ADGRV1: variants seen among roughly 807,000 people sequenced by gnomAD.
ADGRV1 encodes the protein G-protein coupled receptor 98.
Under a neutral mutation model 596.2 loss-of-function variants are expected in ADGRV1, and 359 were observed. The ratio of observed to expected loss-of-function variants is 0.60; its 90% CI spans 0.55 to 0.66. The LOEUF is 0.66. Among genes scored for constraint, ADGRV1 ranks in the 30% least tolerant of loss-of-function variants. The pLI is 0.00. For missense variants in ADGRV1, 7,274 were observed against 7,575.6 expected, an observed-to-expected ratio of 0.96 and a Z score of 1.48; for synonymous variants, 2,681 against 2,679.2, an observed-to-expected ratio of 1.00 and a Z score of -0.02.
chr5:91,102,083 C>T lies in ADGRV1; in HGVS notation c.18311-136C>T, dbSNP rs1431950506. ...CAGCAATGTGCCTTCTCCCCTCTGG[C>T]ATAAGAATGGGATTTCCAAGGTTGT... On this transcript the variant is annotated intron_variant, in intron 86 of 89. Transcript: ENST00000405460. The T allele has an allele frequency of 2.5e-5, 19 of 764,102 alleles. No individual in the cohort carries two copies. In the East Asian group the frequency reaches 5.1e-4, roughly 20 times the overall value. 47.3% of individuals were successfully genotyped at this position (764,102 alleles called of 1,614,324 possible). A position where few individuals can be genotyped will look rare whatever the true frequency, so the allele number is the denominator to read the frequency against.
At chr5:91,048,344 A>G (rs1786012644) in intron 85 of ADGRV1, among the ~76,000 whole-genome samples, 1 of 152,230 alleles carries the variant, frequency 6.6e-6, no homozygotes, top group Non-Finnish European at 1.5e-5. Flanking sequence ...CTCTTGTGCA[A>G]TGTACCAGAT....
intron 83 of ADGRV1, among the ~76,000 whole-genome samples, chr5:90,962,243 C>G (rs1778097592): frequency 6.6e-6 from 1 of 152,202 alleles, no homozygotes; most frequent in African/African-American, 2.4e-5. Flanking sequence ...TAGCGCCATG[C>G]TGGTATACAG....
At chr5:90,696,386 T>C (rs1461628308) in intron 33 of ADGRV1, among the ~76,000 whole-genome samples, 1 of 152,128 alleles carries the variant, frequency 6.6e-6, no homozygotes, top group African/African-American at 2.4e-5. Flanking sequence ...TGTCATCTCA[T>C]CGAGTTACTC....
chr5:90,578,995 T>A (rs1162594896), intron 1 of ADGRV1, among the ~76,000 whole-genome samples: 2 of 152,184 alleles, frequency 1.3e-5, no homozygotes, highest in African/African-American at 4.8e-5. Flanking sequence ...TCTTCTCTCT[T>A]TTCTTCTTTA....
rs534068361 is a variant in ADGRV1, at chr5:90,706,420, T to C, written c.8730+26T>C. On this transcript the variant is annotated intron_variant, in intron 38 of 89. Transcript: ENST00000405460. ...GTAAAACTCTTTTTTTTTTTTAATC[T>C]TAGGGGGAGATAGTTTAATAAGTTT... 7.6e-5 allele frequency: 115 copies of C among 1,515,002 alleles called. 1 individual carries two copies. Among genetic ancestry groups the C allele is most frequent in the Non-Finnish European group, 8.5e-5 (96 of 1,131,198 alleles). The allele number at this position is 1,515,002 out of a possible 1,614,324, so 93.8% of individuals were successfully genotyped here. A position where few individuals can be genotyped will look rare whatever the true frequency, so the allele number is the denominator to read the frequency against.
intron 85 of ADGRV1, among the ~76,000 whole-genome samples, chr5:90,992,094 C>G (rs1318737982): frequency 6.6e-6 from 1 of 152,186 alleles, no homozygotes; most frequent in Non-Finnish European, 1.5e-5. Flanking sequence ...TCTATTCAGA[C>G]CTTAAAATTA....
chr5:90,689,322 C>T (rs1746145161), intron 29 of ADGRV1, among the ~76,000 whole-genome samples: 1 of 145,612 alleles, frequency 6.9e-6, no homozygotes, highest in African/African-American at 2.5e-5. Context: ...CCCCTCCTTT[C>T]CCCACCCACC....
At chr5:90,603,054 A>C (rs1010419477) in intron 1 of ADGRV1, among the ~76,000 whole-genome samples, 3 of 152,222 alleles carry the variant, frequency 2.0e-5, no homozygotes. Flanking sequence ...TCTAACCATG[A>C]AAAGTACTGT....
Position 90,628,710 on chromosome 5 carries a change from A to G in ADGRV1, c.1387A>G (p.Met463Val). ...SGVLHFAQGQ[M>V]LATIPLTVVD... ...AGTTCTCCATTTTGCACAAGGGCAG[A>G]TGTTGGCAACAATTCCTCTTACTGT... is the stretch of plus-strand genomic sequence containing the variant. Residue 463 changes from methionine (M) to valine (V), a missense_variant, in exon 8 of 90, where the codon ATG becomes GTG. Transcript: ENST00000405460. 6.2e-7 allele frequency: 1 copy of G among 1,614,032 alleles called. No homozygotes were observed.
intron 77 of ADGRV1, among the ~76,000 whole-genome samples, chr5:90,830,825 TG>T (rs1764459719): frequency 1.3e-5 from 2 of 152,136 alleles, no homozygotes; most frequent in Admixed American, 6.6e-5. Context: ...GGAATGAGAT[TG>T]GCGTGTAAAT....
At chr5:90,948,902 C>A (rs1776827914) in intron 83 of ADGRV1, among the ~76,000 whole-genome samples, 1 of 152,028 alleles carries the variant, frequency 6.6e-6, no homozygotes, top group Non-Finnish European at 1.5e-5. Flanking sequence ...AATTGTAAGT[C>A]AAACATCATA....
chr5:90,998,095 A>G (rs1483431321), intron 85 of ADGRV1, among the ~76,000 whole-genome samples: 2 of 152,180 alleles, frequency 1.3e-5, no homozygotes, highest in African/African-American at 4.8e-5. Flanking sequence ...CATCATTTCC[A>G]TCCTTTTCTT....
chr5:91,003,543 T>C (rs1023898141), intron 85 of ADGRV1, among the ~76,000 whole-genome samples: 14 of 152,100 alleles, frequency 9.2e-5, no homozygotes, highest in African/African-American at 2.9e-4. Flanking sequence ...GTTCTAGAAA[T>C]AGAAATGACG....
At chr5:90,760,233 G>T (rs1294890857) in intron 58 of ADGRV1, among the ~76,000 whole-genome samples, 1 of 144,806 alleles carries the variant, frequency 6.9e-6, no homozygotes, top group Non-Finnish European at 1.5e-5. Context: ...CCGAGATCAC[G>T]CCACTGCGCT....
intron 77 of ADGRV1, 124 bp from the exon 78 acceptor site, chr5:90,840,454 C>A: frequency 1.4e-6 from 1 of 705,710 alleles, no homozygotes; most frequent in Non-Finnish European, 2.3e-6. Flanking sequence ...TTAGGTAGTA[C>A]TGTCATCATC....
intron 85 of ADGRV1, among the ~76,000 whole-genome samples, chr5:91,053,141 C>T (rs1786505219): frequency 6.6e-6 from 1 of 152,162 alleles, no homozygotes; most frequent in African/African-American, 2.4e-5. Flanking sequence ...TGCTTCCTTC[C>T]TAATGTAGCT....
At chr5:91,014,575 G>T (rs931497233) in intron 85 of ADGRV1, among the ~76,000 whole-genome samples, 1 of 151,670 alleles carries the variant, frequency 6.6e-6, no homozygotes, top group Admixed American at 6.6e-5. Context: ...TTTGGAGCTT[G>T]TTATTGGTCT....
chr5:90,723,575 C>G (rs955719197), intron 45 of ADGRV1, among the ~76,000 whole-genome samples: 2 of 152,096 alleles, frequency 1.3e-5, no homozygotes, highest in Middle Eastern at 3.2e-3. Flanking sequence ...AAGGATTTGT[C>G]CATATGTCAG....
chr5:90,687,035 G>T (rs952626117), intron 29 of ADGRV1, among the ~76,000 whole-genome samples: 1 of 151,968 alleles, frequency 6.6e-6, no homozygotes, highest in African/African-American at 2.4e-5. Context: ...GTCTGTTCAT[G>T]TCCTTTGCCC....
Sources: gnomAD v4.1 joint callset for allele counts (sites outside exome capture counted in the v4.1 genomes callset) on GRCh38, gnomAD v4.1.1 for gene constraint, MANE v1.5 for transcripts, NCBI Gene and HGNC (gene_info 2026-07-23, HGNC 2026-07-21) for gene names.